CTNNA2: variants seen among roughly 807,000 people sequenced by gnomAD.
CTNNA2 encodes the protein catenin alpha-2.
CTNNA2 carries 42 observed loss-of-function variants against 101.0 expected under a neutral mutation model. The ratio of observed to expected loss-of-function variants is 0.42; its 90% CI spans 0.32 to 0.54. The LOEUF is 0.54. Among genes scored for constraint, CTNNA2 ranks in the 20% least tolerant of loss-of-function variants. The pLI, the probability that CTNNA2 is intolerant of heterozygous loss-of-function variation, is 0.14. For synonymous variants in CTNNA2, 450 were observed against 456.4 expected, an observed-to-expected ratio of 0.99 and a Z score of 0.18; for missense variants, 871 against 1,223.1, an observed-to-expected ratio of 0.71 and a Z score of 4.29.
chr2:80,554,174 A>G (rs1034962093), intron 11 of CTNNA2, among the ~76,000 whole-genome samples: 1 of 152,138 alleles, frequency 6.6e-6, no homozygotes, highest in Admixed American at 6.6e-5. Flanking sequence ...TTTCTTTCTA[A>G]GTGCTTAATT....
At chr2:79,969,546 A>G (rs953814769) in intron 7 of CTNNA2, among the ~76,000 whole-genome samples, 2 of 152,216 alleles carry the variant, frequency 1.3e-5, no homozygotes, top group African/African-American at 4.8e-5. Context: ...CTTATTACAG[A>G]CATAGGAATG....
At chr2:79,366,156 G>A (rs777796545) in intron 3 of CTNNA2, among the ~76,000 whole-genome samples, 3 of 152,306 alleles carry the variant, frequency 2.0e-5, no homozygotes, top group African/African-American at 7.2e-5. Flanking sequence ...CAGGGCTAAG[G>A]AGGAGCTTCC....
chr2:79,674,513 A>G (rs1049840255), intron 2 of CTNNA2, among the ~76,000 whole-genome samples: 8 of 152,156 alleles, frequency 5.3e-5, no homozygotes, highest in African/African-American at 1.9e-4. Context: ...AAATGGCATG[A>G]CCCCATCACT....
intron 7 of CTNNA2, among the ~76,000 whole-genome samples, chr2:80,038,583 C>T (rs1030245348): frequency 2.6e-5 from 4 of 152,008 alleles, no homozygotes; most frequent in African/African-American, 4.8e-5. Flanking sequence ...TAGCCAGGCA[C>T]GGTGGCGGGC....
At chr2:80,110,611 T>C (rs11694959) in intron 7 of CTNNA2, among the ~76,000 whole-genome samples, 20,731 of 152,160 alleles carry the variant, frequency 0.14, 2,191 homozygotes, top group African/African-American at 0.29. Flanking sequence ...TGTCCTTTCC[T>C]GTGGTGTAGG....
At chr2:80,141,418 C>T (rs1703003198) in intron 7 of CTNNA2, among the ~76,000 whole-genome samples, 1 of 151,866 alleles carries the variant, frequency 6.6e-6, no homozygotes, top group African/African-American at 2.4e-5. Context: ...TGAGATAATC[C>T]ACAAACTGGG....
chr2:80,486,703 A>G (rs1055631125), intron 9 of CTNNA2, among the ~76,000 whole-genome samples: 5 of 152,176 alleles, frequency 3.3e-5, no homozygotes, highest in Non-Finnish European at 7.3e-5. Context: ...AAATGATTTT[A>G]GACTGGTAAA....
At chr2:79,861,567 A>T (rs1681628129) in intron 4 of CTNNA2, among the ~76,000 whole-genome samples, 1 of 152,316 alleles carries the variant, frequency 6.6e-6, no homozygotes. Flanking sequence ...ACTTAAATTT[A>T]TATGGCAACT....
At chr2:79,451,320 G>C (rs953288322) in intron 4 of CTNNA2, among the ~76,000 whole-genome samples, 1 of 152,018 alleles carries the variant, frequency 6.6e-6, no homozygotes, top group Admixed American at 6.6e-5. Context: ...TCAAGTGATT[G>C]AGAAATTACA....
At chr2:79,614,896 A>C (rs1678516646) in intron 1 of CTNNA2, among the ~76,000 whole-genome samples, 1 of 152,214 alleles carries the variant, frequency 6.6e-6, no homozygotes, top group South Asian at 2.1e-4. Context: ...TTGTTTTCAA[A>C]TTTGGGCAAA....
intron 18 of CTNNA2, among the ~76,000 whole-genome samples, chr2:80,639,027 C>T (rs1011171938): frequency 4.1e-5 from 6 of 146,978 alleles, no homozygotes; most frequent in Non-Finnish European, 9.1e-5. Context: ...CTTAAGGAAG[C>T]CCTGAAGAAA....
chr2:79,713,951 A>G (rs538389463), intron 2 of CTNNA2, among the ~76,000 whole-genome samples: 2 of 152,102 alleles, frequency 1.3e-5, no homozygotes, highest in South Asian at 2.1e-4. Context: ...GAATTTACTC[A>G]TATGTCTTTA....
chr2:79,651,059 A>C (rs2104473294), intron 1 of CTNNA2, among the ~76,000 whole-genome samples: 1 of 151,948 alleles, frequency 6.6e-6, no homozygotes, highest in South Asian at 2.1e-4. Context: ...ACACTTTTAC[A>C]CTGTTGGTGG....
At chr2:79,942,970 G>A (rs554062598) in intron 7 of CTNNA2, among the ~76,000 whole-genome samples, 2 of 152,118 alleles carry the variant, frequency 1.3e-5, no homozygotes, top group African/African-American at 2.4e-5. Context: ...TAATCCCAGC[G>A]CTTTGAGAGG....
chr2:79,693,333 T>G (rs1210897960), intron 2 of CTNNA2, among the ~76,000 whole-genome samples: 1 of 152,046 alleles, frequency 6.6e-6, no homozygotes, highest in Non-Finnish European at 1.5e-5. Flanking sequence ...ATGAAAATTT[T>G]TCAAAACTAT....
chr2:80,518,183 A>G (rs1689250187), intron 9 of CTNNA2, among the ~76,000 whole-genome samples: 1 of 152,230 alleles, frequency 6.6e-6, no homozygotes, highest in Non-Finnish European at 1.5e-5. Context: ...CATATTTTTC[A>G]TATTCAGTTA....
At chr2:79,632,080 A>G (rs1224197395) in intron 1 of CTNNA2, among the ~76,000 whole-genome samples, 15 of 152,172 alleles carry the variant, frequency 9.9e-5, no homozygotes. Flanking sequence ...TTAGATGTGT[A>G]TCTTTTGTCT....
At chr2:79,469,679 C>G (rs1182257092) in intron 4 of CTNNA2, among the ~76,000 whole-genome samples, 1 of 152,168 alleles carries the variant, frequency 6.6e-6, no homozygotes, top group Non-Finnish European at 1.5e-5. Context: ...AGCTTATCCA[C>G]CATGATCAAG....
intron 7 of CTNNA2, among the ~76,000 whole-genome samples, chr2:80,163,947 ATTT>A (rs1030880844): frequency 1.2e-4 from 18 of 151,540 alleles, no homozygotes; most frequent in African/African-American, 4.4e-4. Context: ...CATTAATAAT[ATTT>A]ATATTTTCAT....
Sources: allele counts gnomAD v4.1 joint callset (sites outside exome capture counted in the v4.1 genomes callset), GRCh38; gene constraint gnomAD v4.1.1; transcripts MANE v1.5; gene names NCBI Gene and HGNC (gene_info 2026-07-23, HGNC 2026-07-21).